Variants in CPNE4 observed in about 807,000 individuals in gnomAD.
CPNE4 encodes copine-4.
Under a neutral mutation model 67.9 loss-of-function variants are expected in CPNE4, and 25 were observed. That is an observed-to-expected ratio of 0.37 (90% CI 0.27 to 0.51). The LOEUF is 0.51. CPNE4 is among the 20% of genes least tolerant of loss of function. CPNE4 has a pLI of 0.93. For synonymous variants in CPNE4, 242 were observed against 244.9 expected (o/e 0.99, Z 0.11); for missense variants, 464 against 690.8 (o/e 0.67, Z 3.68).
rs548652426 is a variant in CPNE4, at chr3:131,728,875, A to G, written c.181-5250T>C. 5.9e-5 allele frequency among the ~76,000 whole-genome samples: 8 copies of G among 136,228 alleles called. No individual in the cohort carries two copies. In the South Asian group the frequency reaches 1.6e-3, roughly 28 times the overall value. The allele number at this position is 136,228 out of a possible 152,430, so 89.4% of individuals were successfully genotyped here. A position where few individuals can be genotyped will look rare whatever the true frequency, so the allele number is the denominator to read the frequency against. On this transcript the variant is annotated intron_variant, in intron 2 of 15. Transcript: ENST00000429747. ...CAGTGAACAGAGATCAGGCCACTGCACTCCAGCCTGGGCAACAGAGCCTCA... is the reference window on the plus strand; with the variant it reads ...CAGTGAACAGAGATCAGGCCACTGCGCTCCAGCCTGGGCAACAGAGCCTCA...
intron 1 of CPNE4, among the ~76,000 whole-genome samples, chr3:131,906,823 G>A (rs534896175): frequency 1.3e-4 from 20 of 151,542 alleles, no homozygotes; most frequent in Admixed American, 3.3e-4. Flanking sequence ...CTGAGGAATC[G>A]CCACACTGAC....
At chr3:131,629,627 T>C (rs1222063104) in intron 7 of CPNE4, among the ~76,000 whole-genome samples, 1 of 152,140 alleles carries the variant, frequency 6.6e-6, no homozygotes, top group Non-Finnish European at 1.5e-5. Flanking sequence ...GTATTTTTAG[T>C]AGAGATGGGG....
In CPNE4 at chr3:131,753,592, C is replaced by T. The variant is rs542676753; in HGVS notation, c.181-29967G>A. On this transcript the variant is annotated intron_variant, in intron 2 of 15. Coordinates refer to ENST00000429747, the MANE Select transcript of CPNE4 (RefSeq NM_130808.3). Reference sequence around the variant, plus strand: ...TGAAAATTGTTAAGAGAAAGATGAACGATATAGCAGAAAACTGGGTAAAGA... The same window carrying T: ...TGAAAATTGTTAAGAGAAAGATGAATGATATAGCAGAAAACTGGGTAAAGA... 1.8e-4 allele frequency among the ~76,000 whole-genome samples: 27 copies of T among 151,854 alleles called. No homozygotes were observed. The South Asian group carries it at 4.0e-3, about 22-fold the overall frequency.
intron 1 of CPNE4, among the ~76,000 whole-genome samples, chr3:131,987,019 G>A (rs1285670419): frequency 1.3e-5 from 2 of 152,128 alleles, no homozygotes; most frequent in Non-Finnish European, 2.9e-5. Flanking sequence ...GTGGTACTTA[G>A]GCATCAGTTG....
intron 2 of CPNE4, among the ~76,000 whole-genome samples, chr3:131,746,767 A>T (rs1398730885): frequency 6.6e-6 from 1 of 152,088 alleles, no homozygotes; most frequent in Admixed American, 6.6e-5. Context: ...TACTGATTTT[A>T]TTCCCTTTGG....
At chr3:131,741,589 T>C (rs866369779) in intron 2 of CPNE4, among the ~76,000 whole-genome samples, 15 of 152,188 alleles carry the variant, frequency 9.9e-5, no homozygotes, top group Middle Eastern at 3.4e-3. Flanking sequence ...TTCTGAAAAA[T>C]CTTACGTTAC....
At chr3:131,867,590 C>T (rs2087009715) in intron 2 of CPNE4, among the ~76,000 whole-genome samples, 1 of 152,104 alleles carries the variant, frequency 6.6e-6, no homozygotes, top group Non-Finnish European at 1.5e-5. Flanking sequence ...CTTGTGTTCT[C>T]AGAAAATGCT....
At chr3:131,857,453 T>C (rs1233173062) in intron 2 of CPNE4, among the ~76,000 whole-genome samples, 1 of 152,012 alleles carries the variant, frequency 6.6e-6, no homozygotes, top group East Asian at 1.9e-4. Context: ...GGTAAATGTT[T>C]GGCTAAACAG....
At chr3:131,996,491 T>A (rs999514789) in intron 1 of CPNE4, among the ~76,000 whole-genome samples, 10 of 139,084 alleles carry the variant, frequency 7.2e-5, no homozygotes, top group Admixed American at 4.9e-4. Flanking sequence ...GAGAAAATAA[T>A]AAAAAAAAGA....
chr3:131,582,971 T>C (rs1937938659), intron 8 of CPNE4, among the ~76,000 whole-genome samples: 1 of 152,154 alleles, frequency 6.6e-6, no homozygotes, highest in Admixed American at 6.5e-5. Flanking sequence ...CTGGGCTAAT[T>C]TTTTCACTCA....
Position 131,696,593 on chromosome 3 carries a change from G to A in CPNE4, c.456C>T (p.Gly152=). 1 of 1,613,948 alleles carries A rather than the reference G, an allele frequency of 6.2e-7. No individual in the cohort carries two copies. The highest frequency in any genetic ancestry group is 8.5e-7 in the Non-Finnish European group (1 of 1,179,888). ...SITVIAEELS[G]NDDYVELAFN... ...ATGCAAGCTCAACATAGTCGTCATT[G>A]CCAGATAATTCTTCAGCAATCACCT... The change falls in exon 5 of 16, where the codon GGC becomes GGT. Residue 152 remains glycine, a synonymous_variant. Coordinates refer to ENST00000429747, the MANE Select transcript of CPNE4 (RefSeq NM_130808.3).
intron 2 of CPNE4, among the ~76,000 whole-genome samples, chr3:131,751,704 T>G (rs2082629212): frequency 6.6e-6 from 1 of 152,152 alleles, no homozygotes; most frequent in South Asian, 2.1e-4. Context: ...AAGTTAAACC[T>G]AGACATTTTT....
chr3:131,795,163 C>T (rs1476382702), intron 2 of CPNE4, among the ~76,000 whole-genome samples: 6 of 152,174 alleles, frequency 3.9e-5, no homozygotes, highest in Non-Finnish European at 5.9e-5. Flanking sequence ...GAGCTCTTTC[C>T]GTCAGCACTT....
At chr3:131,535,420 A>C in intron 15 of CPNE4, 91 bp from the exon 16 acceptor site, 1 of 1,301,266 alleles carries the variant, frequency 7.7e-7, no homozygotes, top group Admixed American at 2.6e-5. Context: ...TGGGCAGCTA[A>C]GTTTCATTCA....
At chr3:131,892,644 A>T (rs1226143827) in intron 2 of CPNE4, among the ~76,000 whole-genome samples, 8 of 152,126 alleles carry the variant, frequency 5.3e-5, no homozygotes, top group Admixed American at 5.3e-4. Context: ...TGACTAAGGA[A>T]CACATAATGG....
intron 5 of CPNE4, among the ~76,000 whole-genome samples, chr3:131,689,100 G>A (rs1033350743): frequency 3.6e-4 from 55 of 152,252 alleles, no homozygotes; most frequent in African/African-American, 1.1e-3. Context: ...AAATCTATAC[G>A]CAGCATACTG....
chr3:131,608,490 G>A (rs149235633), intron 7 of CPNE4, among the ~76,000 whole-genome samples: 1,829 of 152,236 alleles, frequency 0.012, 47 homozygotes, highest in African/African-American at 0.041. Flanking sequence ...ACAAGGAGCA[G>A]CAAGTGTGTG....
At chr3:131,865,462 C>T (rs190761381) in intron 2 of CPNE4, among the ~76,000 whole-genome samples, 131 of 152,264 alleles carry the variant, frequency 8.6e-4, no homozygotes, top group Admixed American at 1.6e-3. Context: ...TCCCAAATCT[C>T]GCATTCTTTA....
chr3:132,005,882 T>C (rs1166160186), intron 1 of CPNE4, among the ~76,000 whole-genome samples: 2 of 152,094 alleles, frequency 1.3e-5, no homozygotes, highest in Admixed American at 6.6e-5. Flanking sequence ...TCCTGGAAGT[T>C]TGAAGTCTAA....
Sources: gnomAD v4.1 joint callset for allele counts (sites outside exome capture counted in the v4.1 genomes callset) on GRCh38, gnomAD v4.1.1 for gene constraint, MANE v1.5 for transcripts, NCBI Gene and HGNC (gene_info 2026-07-23, HGNC 2026-07-21) for gene names.